The following NBEA variants were observed in gnomAD, a reference collection of about 807,000 sequenced individuals.
NBEA encodes neurobeachin.
NBEA carries 44 observed loss-of-function variants against 343.4 expected under a neutral mutation model. The observed-to-expected ratio is 0.13, with a 90% CI of 0.10 to 0.16. The LOEUF is 0.16. Among genes scored for constraint, NBEA ranks in the 10% least tolerant of loss-of-function variants. NBEA has a pLI of 1.00. For synonymous variants in NBEA, 1,175 were observed against 1,238.7 expected (o/e 0.95, Z 1.08); for missense variants, 2,555 against 3,631.3 (o/e 0.70, Z 7.62).
intron 53 of NBEA, 98 bp from the exon 54 acceptor site, chr13:35,654,757 G>A (rs532224649): frequency 1.1e-6 from 1 of 926,320 alleles, no homozygotes; most frequent in South Asian, 1.9e-5. Context: ...AACTATTTCT[G>A]GATAAATGAA....
At chr13:35,455,477 C>T (rs932078277) in intron 40 of NBEA, among the ~76,000 whole-genome samples, 12 of 150,768 alleles carry the variant, frequency 8.0e-5, no homozygotes, top group Admixed American at 4.0e-4. Context: ...CAGCTTTTTT[C>T]GACATATAAA....
chr13:35,063,819 C>T (rs2063550568), intron 8 of NBEA, among the ~76,000 whole-genome samples: 1 of 151,924 alleles, frequency 6.6e-6, no homozygotes, highest in African/African-American at 2.4e-5. Flanking sequence ...ATCTAAGACT[C>T]TAAAAGGTCA....
chr13:35,605,927 A>T (rs928643020), intron 47 of NBEA, among the ~76,000 whole-genome samples: 1 of 152,184 alleles, frequency 6.6e-6, no homozygotes, highest in Non-Finnish European at 1.5e-5. Flanking sequence ...AAGTAAAAAA[A>T]ACTATGAATC....
intron 1 of NBEA, among the ~76,000 whole-genome samples, chr13:35,026,995 A>G (rs1436068942): frequency 1.3e-5 from 2 of 152,016 alleles, no homozygotes; most frequent in Non-Finnish European, 2.9e-5. Flanking sequence ...ATAGAATCGT[A>G]TTTTATGTGA....
At chr13:35,363,317 G>A (rs2040917536) in intron 38 of NBEA, among the ~76,000 whole-genome samples, 1 of 151,838 alleles carries the variant, frequency 6.6e-6, no homozygotes, top group South Asian at 2.1e-4. Context: ...TCTGTTTCTG[G>A]CCAAAATGCT....
At chr13:35,112,394 C>CAT (rs2066262177) in intron 13 of NBEA, among the ~76,000 whole-genome samples, 1 of 151,910 alleles carries the variant, frequency 6.6e-6, no homozygotes, top group Non-Finnish European at 1.5e-5. Context: ...GATAAATAGA[C>CAT]ATATTCATAT....
chr13:35,153,194 G>T (rs888212573), intron 18 of NBEA, among the ~76,000 whole-genome samples: 2 of 151,440 alleles, frequency 1.3e-5, no homozygotes, highest in Admixed American at 6.6e-5. Flanking sequence ...CACCACACCC[G>T]GGTAATTTTT....
rs183070913 is a variant in NBEA, at chr13:35,144,064, C to T, written c.2445+1687C>T. ...GAAAAAGTGTATTTTGGGATGTGTT[C>T]AATTATATGAAATTCAAATTTCGGT... On this transcript the variant is annotated intron_variant, in intron 18 of 58. Coordinates refer to ENST00000379939, the MANE Select transcript of NBEA (RefSeq NM_001385012.1). Among the ~76,000 whole-genome samples the T allele has an allele frequency of 4.2e-3, 646 of 152,116 alleles. 2 individuals are homozygous for T. Among genetic ancestry groups the T allele is most frequent in the Non-Finnish European group, 7.1e-3 (481 of 67,990 alleles).
intron 17 of NBEA, among the ~76,000 whole-genome samples, chr13:35,130,095 G>A (rs1566333784): frequency 1.3e-5 from 2 of 152,084 alleles, no homozygotes; most frequent in South Asian, 4.1e-4. Flanking sequence ...AAGTTAATAG[G>A]CAGTTATAAC....
intron 31 of NBEA, among the ~76,000 whole-genome samples, chr13:35,205,799 T>C (rs2073354249): frequency 6.6e-6 from 1 of 152,132 alleles, no homozygotes; most frequent in Admixed American, 6.6e-5. Context: ...AAGTACTTTA[T>C]ATGTGTTACC....
intron 41 of NBEA, among the ~76,000 whole-genome samples, chr13:35,527,500 TA>T (rs1377383976): frequency 6.6e-6 from 1 of 152,158 alleles, no homozygotes; most frequent in Non-Finnish European, 1.5e-5. Flanking sequence ...TGCCTTCAGC[TA>T]CCCCCAGCCT....
intron 34 of NBEA, among the ~76,000 whole-genome samples, chr13:35,285,262 C>G (rs2035344325): frequency 6.6e-6 from 1 of 151,966 alleles, no homozygotes; most frequent in Admixed American, 6.6e-5. Flanking sequence ...AACCCTGTCT[C>G]CACGAAAATT....
intron 1 of NBEA, among the ~76,000 whole-genome samples, chr13:35,004,434 A>T (rs1400356185): frequency 1.3e-5 from 2 of 152,136 alleles, no homozygotes; most frequent in African/African-American, 4.8e-5. Context: ...TGAATGTTTG[A>T]AATAGTTTGC....
At chr13:35,024,151 A>G (rs1321284170) in intron 1 of NBEA, among the ~76,000 whole-genome samples, 1 of 152,102 alleles carries the variant, frequency 6.6e-6, no homozygotes, top group Non-Finnish European at 1.5e-5. Flanking sequence ...AGCTGCAACC[A>G]TGTTGTTGCA....
intron 40 of NBEA, among the ~76,000 whole-genome samples, chr13:35,469,897 T>TC (rs2075569026): frequency 3.9e-5 from 6 of 152,230 alleles, no homozygotes; most frequent in African/African-American, 1.4e-4. Context: ...TGGCTTGTGA[T>TC]TGTGCCTTAT....
chr13:35,108,762 T>C (rs1291070985), intron 11 of NBEA, among the ~76,000 whole-genome samples: 1 of 152,086 alleles, frequency 6.6e-6, no homozygotes, highest in African/African-American at 2.4e-5. Context: ...TGATAGTAGT[T>C]GAAAATTCTT....
intron 58 of NBEA, among the ~76,000 whole-genome samples, chr13:35,668,755 A>C (rs1451432162): frequency 6.6e-6 from 1 of 152,202 alleles, no homozygotes; most frequent in Non-Finnish European, 1.5e-5. Context: ...GCCTGCAGAC[A>C]TGTTTTAAGG....
chr13:35,164,031 A>C (rs1198519326), intron 23 of NBEA, among the ~76,000 whole-genome samples: 1 of 152,144 alleles, frequency 6.6e-6, no homozygotes, highest in Admixed American at 6.6e-5. Flanking sequence ...TTTGCCTTTC[A>C]ACAAAAAACA....
At chr13:34,962,707 A>G (rs982063419) in intron 1 of NBEA, among the ~76,000 whole-genome samples, 2 of 152,044 alleles carry the variant, frequency 1.3e-5, no homozygotes, top group African/African-American at 2.4e-5. Flanking sequence ...ATAAAAATAT[A>G]TATAAGTGAA....
Sources: gnomAD v4.1 joint callset for allele counts (sites outside exome capture counted in the v4.1 genomes callset) on GRCh38, gnomAD v4.1.1 for gene constraint, MANE v1.5 for transcripts, NCBI Gene and HGNC (gene_info 2026-07-23, HGNC 2026-07-21) for gene names.